Variants in AUTS2 observed in about 807,000 individuals in gnomAD.
AUTS2 encodes activator of transcription and developmental regulator AUTS2.
A neutral mutation model predicts 112.4 loss-of-function variants in AUTS2; 17 were observed. The ratio of observed to expected loss-of-function variants is 0.15; its 90% CI spans 0.10 to 0.23. The LOEUF is 0.23. AUTS2 is among the 10% of genes least tolerant of loss of function. The probability of loss-of-function intolerance (pLI) is 1.00; values close to 1 mark genes in which losing one functional copy is unlikely to be tolerated. For synonymous variants in AUTS2, 751 were observed against 702.7 expected, an observed-to-expected ratio of 1.07 and a Z score of -1.09; for missense variants, 1,510 against 1,701.6, an observed-to-expected ratio of 0.89 and a Z score of 1.98.
At chr7:69,656,187 A>G (rs914109902) in intron 1 of AUTS2, among the ~76,000 whole-genome samples, 1 of 152,182 alleles carries the variant, frequency 6.6e-6, no homozygotes, top group African/African-American at 2.4e-5. Flanking sequence ...CCCCTTCCCC[A>G]GTGTGTGGTG....
intron 4 of AUTS2, among the ~76,000 whole-genome samples, chr7:70,215,273 C>G (rs970817935): frequency 1.2e-4 from 18 of 152,114 alleles, no homozygotes; most frequent in Non-Finnish European, 2.2e-4. Context: ...GAGTAAGACC[C>G]TTTCTCTAAA....
intron 2 of AUTS2, among the ~76,000 whole-genome samples, chr7:70,082,387 G>T (rs1803365441): frequency 6.6e-6 from 1 of 152,192 alleles, no homozygotes; most frequent in Non-Finnish European, 1.5e-5. Context: ...GTCAGGCTAA[G>T]ATCACATGTC....
At chr7:70,543,663 G>A (rs1167423588) in intron 5 of AUTS2, among the ~76,000 whole-genome samples, 7 of 152,190 alleles carry the variant, frequency 4.6e-5, no homozygotes, top group African/African-American at 1.7e-4. Context: ...GTCCCGTCAT[G>A]CTTGCCTTCA....
chr7:70,040,434 A>G (rs1801195751), intron 2 of AUTS2, among the ~76,000 whole-genome samples: 1 of 152,240 alleles, frequency 6.6e-6, no homozygotes. Context: ...TAAGAAGACG[A>G]TGTTTAAATT....
intron 6 of AUTS2, among the ~76,000 whole-genome samples, chr7:70,742,080 G>A (rs1267231765): frequency 6.6e-6 from 1 of 152,168 alleles, no homozygotes; most frequent in Non-Finnish European, 1.5e-5. Context: ...AGCAGCTCCT[G>A]TTTCTTTGTT....
intron 6 of AUTS2, among the ~76,000 whole-genome samples, chr7:70,743,375 A>G (rs1278673744): frequency 6.7e-6 from 1 of 149,638 alleles, no homozygotes; most frequent in Non-Finnish European, 1.5e-5. Flanking sequence ...AGGCTGAGGC[A>G]GGAGAACCAC....
rs188881981 is a variant in AUTS2 at position 70,191,638 on chromosome 7, G to C, written c.660+57067G>C. 3.5e-3 allele frequency among the ~76,000 whole-genome samples: 538 copies of C among 152,314 alleles called. 2 individuals are homozygous for C. Among genetic ancestry groups the C allele is most frequent in the African/African-American group, 0.012 (513 of 41,578 alleles). ...TTTGAAATTCATAATACAGTCAGAAGATGATTAACAGATTTGTTCAAATTT... is the reference window on the plus strand; with the variant it reads ...TTTGAAATTCATAATACAGTCAGAACATGATTAACAGATTTGTTCAAATTT... On this transcript the variant is annotated intron_variant, in intron 4 of 18. Coordinates refer to ENST00000342771, the MANE Select transcript of AUTS2 (RefSeq NM_015570.4).
chr7:70,653,901 A>C (rs75380079), intron 5 of AUTS2, among the ~76,000 whole-genome samples: 6,948 of 152,260 alleles, frequency 0.046, 198 homozygotes, highest in Non-Finnish European at 0.068. Context: ...CAAACTATGT[A>C]CTGTTTGTAT....
intron 5 of AUTS2, among the ~76,000 whole-genome samples, chr7:70,688,974 CCTCACTATTAAGAGTTT>C (rs1270224627): frequency 1.3e-4 from 20 of 152,076 alleles, no homozygotes; most frequent in African/African-American, 4.6e-4. Flanking sequence ...AAATTGAAGC[CCTCACTATTAAGAGTTT>C]CATCACATCT....
intron 4 of AUTS2, among the ~76,000 whole-genome samples, chr7:70,170,623 T>G (rs1584824215): frequency 7.8e-6 from 1 of 128,402 alleles, no homozygotes; most frequent in East Asian, 2.4e-4. Context: ...TGAGATGAAG[T>G]CTTGCTCTTG....
At chr7:69,758,111 A>C (rs1403896246) in intron 1 of AUTS2, among the ~76,000 whole-genome samples, 1 of 152,192 alleles carries the variant, frequency 6.6e-6, no homozygotes, top group African/African-American at 2.4e-5. Context: ...AGCTAGAATT[A>C]ATTAGTTCTG....
At chr7:70,245,119 CA>C (rs61068581) in intron 4 of AUTS2, among the ~76,000 whole-genome samples, 7,626 of 63,648 alleles carry the variant, frequency 0.12, 210 homozygotes, top group African/African-American at 0.17. Context: ...GATCCTGCCT[CA>C]AAAAAAAAAA....
rs543367823 is a variant in AUTS2, at chr7:70,235,309, A to G, written c.660+100738A>G. Among the ~76,000 whole-genome samples the G allele has an allele frequency of 2.8e-4, 43 of 152,064 alleles. 1 individual carries two copies. In the South Asian group the frequency reaches 8.9e-3, roughly 32 times the overall value. On this transcript the variant is annotated intron_variant, in intron 4 of 18. Transcript: ENST00000342771. ...CTACCACCCATGGCTAATTAAAAAA[A>G]AAAAAATGTGTGGAGACAGGATCTG...
At chr7:70,126,042 T>A (rs1385660595) in intron 3 of AUTS2, among the ~76,000 whole-genome samples, 1 of 152,246 alleles carries the variant, frequency 6.6e-6, no homozygotes, top group African/African-American at 2.4e-5. Context: ...AGCTTTGTTT[T>A]TTTGAATTGG....
chr7:69,979,631 G>A (rs1041751611), intron 2 of AUTS2, among the ~76,000 whole-genome samples: 2 of 152,178 alleles, frequency 1.3e-5, no homozygotes, highest in African/African-American at 4.8e-5. Flanking sequence ...TACCTCATAA[G>A]AGTATGAGGA....
chr7:69,964,555 T>C (rs1797560258), intron 2 of AUTS2, among the ~76,000 whole-genome samples: 1 of 152,100 alleles, frequency 6.6e-6, no homozygotes, highest in African/African-American at 2.4e-5. Context: ...GTCCTCGGTT[T>C]TCGTGAAGTT....
At chr7:69,697,116 A>C (rs1797594534) in intron 1 of AUTS2, among the ~76,000 whole-genome samples, 1 of 152,242 alleles carries the variant, frequency 6.6e-6, no homozygotes, top group Admixed American at 6.5e-5. Context: ...GCTAGACCTC[A>C]TCCATAGTTT....
chr7:70,257,194 T>A (rs1786921101), intron 4 of AUTS2, among the ~76,000 whole-genome samples: 1 of 151,976 alleles, frequency 6.6e-6, no homozygotes, highest in South Asian at 2.1e-4. Context: ...AGGCTGGAGA[T>A]CAGTGGCATA....
chr7:70,578,333 G>C (rs1268600591), intron 5 of AUTS2, among the ~76,000 whole-genome samples: 1 of 152,196 alleles, frequency 6.6e-6, no homozygotes, highest in East Asian at 1.9e-4. Context: ...GGGCCATGAA[G>C]GCATCAAAGG....
Sources: allele counts gnomAD v4.1 joint callset (sites outside exome capture counted in the v4.1 genomes callset), GRCh38; gene constraint gnomAD v4.1.1; transcripts MANE v1.5; gene names NCBI Gene and HGNC (gene_info 2026-07-23, HGNC 2026-07-21).